The following MBD3 variants were observed in gnomAD, a reference collection of about 807,000 sequenced individuals.
MBD3 encodes methyl-CpG binding domain protein 3, also known as methyl-CpG-binding domain protein 3.
A neutral mutation model predicts 31.2 loss-of-function variants in MBD3; 13 were observed. The ratio of observed to expected loss-of-function variants is 0.42; its 90% CI spans 0.27 to 0.66. MBD3 has a LOEUF of 0.66. MBD3 is among the 30% of genes least tolerant of loss of function. The pLI, the probability that MBD3 is intolerant of heterozygous loss-of-function variation, is 0.26. For missense variants in MBD3, 440 were observed against 426.5 expected, an observed-to-expected ratio of 1.03 and a Z score of -0.28; for synonymous variants, 223 against 187.4, an observed-to-expected ratio of 1.19 and a Z score of -1.55.
intron 2 of MBD3, 121 bp downstream of exon 2, chr19:1,584,934 C>G: frequency 7.2e-7 from 1 of 1,395,172 alleles, no homozygotes; most frequent in Middle Eastern, 2.4e-4. Context: ...TCTGTGCCCT[C>G]CGCCCGCTGT....
At chr19:1,591,395 C>T (rs747878157) in intron 1 of MBD3, among the ~76,000 whole-genome samples, 33 of 152,318 alleles carry the variant, frequency 2.2e-4, no homozygotes, top group Admixed American at 1.0e-3. Context: ...CACTTTATCT[C>T]CCCAAACCGG....
Position 1,576,111 on chromosome 19 carries a change from TAGACAG to T in MBD3, c.*2047_*2052del, listed in dbSNP as rs995898507. On this transcript the variant is annotated 3_prime_UTR_variant, in exon 7 of 7. Transcript: ENST00000434436. ...CAAGAGGGAGAGATAGAGACAGGGA[TAGACAG>T]AGACAGAGAGAGACCAAGGGAGACA... is the stretch of plus-strand genomic sequence containing the variant. 2.0e-5 allele frequency: 3 copies of T among 151,868 alleles called. No individual in the cohort carries two copies. Among genetic ancestry groups the T allele is most frequent in the Non-Finnish European group, 4.4e-5 (3 of 68,156 alleles). The allele number at this position is 151,868 out of a possible 1,614,324, so 9.4% of individuals were successfully genotyped here.
At chr19:1,583,788 G>A (rs2060664461) in intron 3 of MBD3, among the ~76,000 whole-genome samples, 3 of 152,262 alleles carry the variant, frequency 2.0e-5, no homozygotes, top group Middle Eastern at 3.4e-3. Context: ...TGCAGGTAAC[G>A]TGCAAACATT....
intron 1 of MBD3, among the ~76,000 whole-genome samples, chr19:1,589,756 C>A (rs1568278437): frequency 6.6e-6 from 1 of 152,016 alleles, no homozygotes; most frequent in African/African-American, 2.4e-5. Context: ...TCGCTTGAGC[C>A]CAGGAGGTCA....
intron 4 of MBD3, 151 bp from the exon 5 acceptor site, chr19:1,581,420 G>C: frequency 1.2e-6 from 1 of 805,500 alleles, no homozygotes; most frequent in Non-Finnish European, 2.0e-6. Flanking sequence ...TCCCTCTCCC[G>C]CTTGTGTTAC....
intron 5 of MBD3, among the ~76,000 whole-genome samples, chr19:1,579,301 G>C (rs947397512): frequency 6.7e-6 from 1 of 149,102 alleles, no homozygotes; most frequent in Non-Finnish European, 1.5e-5. Flanking sequence ...CTATGCACCA[G>C]CGTGTACTCC....
chr19:1,582,970 G>T (rs368259331), intron 3 of MBD3, among the ~76,000 whole-genome samples: 1 of 152,130 alleles, frequency 6.6e-6, no homozygotes, highest in Non-Finnish European at 1.5e-5. Flanking sequence ...TTAGGAGGCC[G>T]AAGTGGGTGG....
chr19:1,592,499 G>A (rs2060709958), intron 1 of MBD3, 23 bp downstream of exon 1: 9 of 1,332,024 alleles, frequency 6.8e-6, no homozygotes, highest in Non-Finnish European at 8.0e-6. Context: ...TTGAGGCCCT[G>A]CGCGGCCGGC....
chr19:1,578,250 C>T lies in MBD3; in HGVS notation c.*5+85G>A, dbSNP rs550939846. The T allele has an allele frequency of 1.9e-6, 3 of 1,577,516 alleles. No individual in the cohort carries two copies. Among genetic ancestry groups the T allele is most frequent in the South Asian group, 2.2e-5 (2 of 90,058 alleles). On this transcript the variant is annotated intron_variant, in intron 6 of 6. Coordinates refer to ENST00000434436, the MANE Select transcript of MBD3 (RefSeq NM_001281453.2). This position sits in a 1 kb window ranked among gnomAD's most constrained non-coding sequence, Gnocchi z 6.1. ...GAGATGGGAAGCTCTTGGGAGGCACCCGTCATCCCAAGCACATCTGTGTTC... is the reference window on the plus strand; with the variant it reads ...GAGATGGGAAGCTCTTGGGAGGCACTCGTCATCCCAAGCACATCTGTGTTC...
chr19:1,584,705 C>T (rs368921692), intron 2 of MBD3, 28 bp from the exon 3 acceptor site: 138 of 1,602,888 alleles, frequency 8.6e-5, no homozygotes, highest in Non-Finnish European at 1.2e-4. Context: ...TGCAGTCCGG[C>T]CTGGGGGCGC....
intron 3 of MBD3, among the ~76,000 whole-genome samples, chr19:1,583,696 G>A (rs2060664090): frequency 6.6e-6 from 1 of 152,052 alleles, no homozygotes; most frequent in Non-Finnish European, 1.5e-5. Flanking sequence ...TGTCTCGAAA[G>A]TGAAAAACTT....
Position 1,581,102 on chromosome 19 carries a change from C to T in MBD3, c.667G>A (p.Glu223Lys), listed in dbSNP as rs1269362705. Residue 223 changes from glutamate to lysine, a missense_variant, in exon 5 of 7, where the codon GAG (glutamate) becomes AAG (lysine). Around this residue, in one of 3 missense-constraint regions of MBD3, gnomAD observed 144 missense variants for 196.9 expected, o/e 0.73. Coordinates refer to ENST00000434436, the MANE Select transcript of MBD3 (RefSeq NM_001281453.2). The stretch of plus-strand genomic sequence containing the variant: ...AGGCCAAGGGGCTACCTGATGTCCT[C>T]GTCGGTCACCATGAAGGCTTTGCAC... ...PLCKAFMVTD[E>K]DIRKQEELVQ... 5 of 1,614,146 alleles carry T rather than the reference C, an allele frequency of 3.1e-6. No homozygotes were observed. Among genetic ancestry groups the T allele is most frequent in the African/African-American group, 1.3e-5 (1 of 75,054 alleles).
At position 1,573,642 on chromosome 19, in the gene MBD3, C is replaced by T. The variant is rs181031253; in HGVS notation, c.*4522G>A. 6.6e-6 allele frequency: 1 copy of T among 152,342 alleles called. No homozygotes were observed. The highest frequency in any genetic ancestry group is 1.9e-4 in the East Asian group (1 of 5,184). The allele number at this position is 152,342 out of a possible 1,614,324, so 9.4% of individuals were successfully genotyped here. On this transcript the variant is annotated 3_prime_UTR_variant, in exon 7 of 7. Coordinates refer to ENST00000434436, the MANE Select transcript of MBD3 (RefSeq NM_001281453.2). ...TGCTTGTAAATTACATCTCAAAAAACCCACTTCACACACGTTAACTGGAAA... is the reference window on the plus strand; with the variant it reads ...TGCTTGTAAATTACATCTCAAAAAATCCACTTCACACACGTTAACTGGAAA...
At position 1,585,577 on chromosome 19, in the gene MBD3, G is replaced by A. The variant is rs1229853935; in HGVS notation, c.111-363C>T. On this transcript the variant is annotated intron_variant, in intron 1 of 6. Transcript: ENST00000434436. The surrounding 1 kb of genome is among the most constrained non-coding windows in gnomAD (Gnocchi z 4.1). Reference sequence around the variant, plus strand: ...TCCCCTCTGAATCCTCCCCACCGTAGGCCCTGGCAGCGTCAGGCACAGCAG... The same window carrying A: ...TCCCCTCTGAATCCTCCCCACCGTAAGCCCTGGCAGCGTCAGGCACAGCAG... The A allele has an allele frequency of 3.0e-5, 9 of 298,584 alleles. No individual in the cohort carries two copies. In the East Asian group the frequency reaches 7.8e-4, roughly 26 times the overall value. 18.5% of individuals were successfully genotyped at this position (298,584 alleles called of 1,614,324 possible). A position where few individuals can be genotyped will look rare whatever the true frequency, so the allele number is the denominator to read the frequency against.
chr19:1,580,218 G>A (rs1391325915), intron 5 of MBD3, among the ~76,000 whole-genome samples: 1 of 152,212 alleles, frequency 6.6e-6, no homozygotes, highest in Admixed American at 6.5e-5. Flanking sequence ...CCAAAAGAGG[G>A]GGCCCAGAGG....
chr19:1,578,952 G>A lies in MBD3; in HGVS notation c.678-414C>T, dbSNP rs1011843202. Reference sequence around the variant, plus strand: ...TAATCCCAGCACTTTGGGAGGCCGAGGTGGGCAGATCACTTGAGGTCAGGC... The same window carrying A: ...TAATCCCAGCACTTTGGGAGGCCGAAGTGGGCAGATCACTTGAGGTCAGGC... On this transcript the variant is annotated intron_variant, in intron 5 of 6. Transcript: ENST00000434436. The surrounding 1 kb of genome is among the most constrained non-coding windows in gnomAD (Gnocchi z 6.1). Among the ~76,000 whole-genome samples, 1 of 152,098 alleles carries A rather than the reference G, an allele frequency of 6.6e-6. No homozygotes were observed.
chr19:1,589,192 G>A (rs1234123761), intron 1 of MBD3, among the ~76,000 whole-genome samples: 3 of 151,732 alleles, frequency 2.0e-5, no homozygotes, highest in South Asian at 4.2e-4. Context: ...GTAGCCGGGC[G>A]TGGTGGCACA....
chr19:1,592,741 G>A lies in MBD3; in HGVS notation c.-110C>T. 4.3e-6 allele frequency: 1 copy of A among 232,486 alleles called. No individual in the cohort carries two copies. The highest frequency in any genetic ancestry group is 7.0e-6 in the Non-Finnish European group (1 of 143,420). 14.4% of individuals were successfully genotyped at this position (232,486 alleles called of 1,614,324 possible). A position where few individuals can be genotyped will look rare whatever the true frequency, so the allele number is the denominator to read the frequency against. ...GCCGCTGCCGCCGCCGCCACTTGCC[G>A]CGGCTGTTCCGGCCCGCGGGCCCCC... On this transcript the variant is annotated 5_prime_UTR_variant, in exon 1 of 7. Coordinates refer to ENST00000434436, the MANE Select transcript of MBD3 (RefSeq NM_001281453.2).
At chr19:1,586,686 A>C (rs1271910863) in intron 1 of MBD3, among the ~76,000 whole-genome samples, 1 of 14,940 alleles carries the variant, frequency 6.7e-5, no homozygotes, top group South Asian at 1.8e-3. Flanking sequence ...TTTTTTTTTG[A>C]GATGGAGTCT....
Sources: allele counts gnomAD v4.1 joint callset (sites outside exome capture counted in the v4.1 genomes callset), GRCh38; gene constraint gnomAD v4.1.1; regional missense constraint gnomAD v4.1.1; non-coding constraint Gnocchi (gnomAD v3.1); transcripts MANE v1.5; gene names NCBI Gene and HGNC (gene_info 2026-07-23, HGNC 2026-07-21).